The following USP32 variants were observed in gnomAD, a reference collection of about 807,000 sequenced individuals.
The protein encoded by USP32 is ubiquitin specific peptidase 32.
USP32 carries 59 observed loss-of-function variants against 204.8 expected under a neutral mutation model. That is an observed-to-expected ratio of 0.29 (90% CI 0.23 to 0.36). The LOEUF is 0.36. Among genes scored for constraint, USP32 ranks in the 10% least tolerant of loss-of-function variants. USP32 has a pLI of 1.00. For synonymous variants in USP32, 517 were observed against 678.4 expected (o/e 0.76, Z 3.70); for missense variants, 1,160 against 1,946.4 (o/e 0.60, Z 7.60).
intron 30 of USP32, among the ~76,000 whole-genome samples, chr17:60,184,891 G>A (rs1265585161): frequency 1.3e-5 from 2 of 151,786 alleles, no homozygotes; most frequent in Non-Finnish European, 2.9e-5. Flanking sequence ...TTAATGAATA[G>A]GAAGATTTGT....
At chr17:60,246,063 CAATAA>C (rs1461235862) in intron 11 of USP32, among the ~76,000 whole-genome samples, 1 of 151,786 alleles carries the variant, frequency 6.6e-6, no homozygotes, top group Non-Finnish European at 1.5e-5. Context: ...TTGAAATATA[CAATAA>C]ATTATTTTTA....
At chr17:60,311,199 G>A (rs1239893433) in intron 2 of USP32, among the ~76,000 whole-genome samples, 1 of 152,186 alleles carries the variant, frequency 6.6e-6, no homozygotes, top group East Asian at 1.9e-4. Context: ...AGTACACTGA[G>A]ATTTTATATT....
At chr17:60,306,722 T>C (rs902947755) in intron 2 of USP32, among the ~76,000 whole-genome samples, 9 of 152,054 alleles carry the variant, frequency 5.9e-5, no homozygotes, top group African/African-American at 2.2e-4. Flanking sequence ...GGTCTCCAAA[T>C]TGGAAAGGAG....
At chr17:60,353,974 G>T (rs116328627) in intron 1 of USP32, among the ~76,000 whole-genome samples, 87 of 152,286 alleles carry the variant, frequency 5.7e-4, no homozygotes, top group African/African-American at 1.8e-3. Flanking sequence ...AATGGATGTT[G>T]TCATTACCAT....
At position 60,347,058 on chromosome 17, in the gene USP32, CA is replaced by C. The variant is rs1421684968; in HGVS notation, c.59-1451del. ...TTCAGATAGCTCACTCTACCAATAA[CA>C]AAGAGAACAGAACAAATCTGGAAGC... On this transcript the variant is annotated intron_variant, in intron 1 of 33. Transcript: ENST00000300896. Among the ~76,000 whole-genome samples, 4 of 152,240 alleles carry C rather than the reference CA, an allele frequency of 2.6e-5. 1 individual carries two copies. Among genetic ancestry groups the C allele is most frequent in the Middle Eastern group, 6.8e-3 (2 of 294 alleles).
At chr17:60,288,113 CAAAAAAAAAAAA>C (rs1045323566) in intron 5 of USP32, among the ~76,000 whole-genome samples, 534 of 29,452 alleles carry the variant, frequency 0.018, 5 homozygotes, top group Non-Finnish European at 0.041. Flanking sequence ...GACTTCGTCT[CAAAAAAAAAAAA>C]AAAAAAAAAA....
upstream of USP32, among the ~76,000 whole-genome samples, chr17:60,395,285 T>C (rs2089893711): frequency 1.3e-5 from 2 of 152,316 alleles, no homozygotes; most frequent in South Asian, 2.1e-4. Context: ...CATAAAAATT[T>C]CCACTCCATG....
intron 1 of USP32, among the ~76,000 whole-genome samples, chr17:60,415,059 GA>G (rs747437357): frequency 6.6e-6 from 1 of 152,042 alleles, no homozygotes; most frequent in Non-Finnish European, 1.5e-5. Context: ...CCTCTATAAA[GA>G]AAATAAATTT....
intron 5 of USP32, among the ~76,000 whole-genome samples, chr17:60,274,794 T>C (rs1003380634): frequency 6.6e-6 from 1 of 152,174 alleles, no homozygotes; most frequent in Admixed American, 6.5e-5. Context: ...TAAGTATCTA[T>C]GTAAACAGAA....
intron 1 of USP32, among the ~76,000 whole-genome samples, chr17:60,383,765 A>C (rs1192925797): frequency 6.6e-6 from 1 of 152,252 alleles, no homozygotes; most frequent in South Asian, 2.1e-4. Flanking sequence ...TAGTGTAGCT[A>C]GTGTACAGGA....
At chr17:60,370,323 G>C (rs1282904714) in intron 1 of USP32, among the ~76,000 whole-genome samples, 1 of 151,832 alleles carries the variant, frequency 6.6e-6, no homozygotes, top group Non-Finnish European at 1.5e-5. Context: ...AATGGGAAAG[G>C]TTCTACTTTG....
chr17:60,260,447 C>T (rs2086423593), intron 9 of USP32, among the ~76,000 whole-genome samples: 1 of 151,460 alleles, frequency 6.6e-6, no homozygotes, highest in Non-Finnish European at 1.5e-5. Context: ...CATTTGAACC[C>T]AGGAGGCGGA....
At chr17:60,230,363 G>A (rs933982352) in intron 12 of USP32, among the ~76,000 whole-genome samples, 1 of 152,090 alleles carries the variant, frequency 6.6e-6, no homozygotes, top group Non-Finnish European at 1.5e-5. Flanking sequence ...TCAGTCCATA[G>A]GTTAAATCTA....
rs376427853 is a variant in USP32, at chr17:60,223,361, T to C, written c.1608+50A>G. 4 of 1,523,544 alleles carry C rather than the reference T, an allele frequency of 2.6e-6. No homozygotes were observed. In the African/African-American group the frequency reaches 4.2e-5, roughly 16 times the overall value. The allele number at this position is 1,523,544 out of a possible 1,614,324, so 94.4% of individuals were successfully genotyped here. A position where few individuals can be genotyped will look rare whatever the true frequency, so the allele number is the denominator to read the frequency against. ...GCTAAAACCTCTGAAATGAAATTTATTAATAGCTTGCAAGAGAATAATTTT... is the reference window on the plus strand; with the variant it reads ...GCTAAAACCTCTGAAATGAAATTTACTAATAGCTTGCAAGAGAATAATTTT... On this transcript the variant is annotated intron_variant, in intron 14 of 33. Coordinates refer to ENST00000300896, the MANE Select transcript of USP32 (RefSeq NM_032582.4).
intron 1 of USP32, among the ~76,000 whole-genome samples, chr17:60,374,387 C>T (rs57540461): frequency 0.035 from 5,293 of 151,430 alleles, 318 homozygotes; most frequent in African/African-American, 0.12. Flanking sequence ...AAGGCTGTTA[C>T]AGTTAAGTTT....
chr17:60,322,033 T>C lies in USP32; in HGVS notation c.187-20329A>G, dbSNP rs1325186860. On this transcript the variant is annotated intron_variant, in intron 2 of 33. Coordinates refer to ENST00000300896, the MANE Select transcript of USP32 (RefSeq NM_032582.4). ...GAAATAAATAGAATAAAAGCATGTC[T>C]TTATGAGACAGAGAAAAAAAGTTAA... is the stretch of plus-strand genomic sequence containing the variant. Among the ~76,000 whole-genome samples the C allele has an allele frequency of 9.2e-5, 14 of 152,148 alleles. 1 individual carries two copies. The highest frequency in any genetic ancestry group is 9.2e-4 in the Admixed American group (14 of 15,270).
chr17:60,250,282 A>G (rs1401082858), intron 11 of USP32, among the ~76,000 whole-genome samples: 2 of 152,176 alleles, frequency 1.3e-5, no homozygotes, highest in Non-Finnish European at 2.9e-5. Flanking sequence ...TGTATTTTAC[A>G]AAGAATAACT....
intron 1 of USP32, among the ~76,000 whole-genome samples, chr17:60,403,592 A>G (rs540720848): frequency 1.5e-4 from 23 of 152,298 alleles, no homozygotes; most frequent in African/African-American, 5.5e-4. Context: ...TGGTTCCTCA[A>G]ATACAATGCC....
In USP32 at chr17:60,301,636, G is replaced by A. The variant is rs376822570; in HGVS notation, c.255C>T (p.Val85=). 270 of 1,595,212 alleles carry A rather than the reference G, an allele frequency of 1.7e-4. 1 individual carries two copies. The South Asian group carries it at 3.0e-3, about 18-fold the overall frequency. ...CTTCATCTTTGCCTCTTGTAAGGAG[G>A]ACAAGTCCAACTATTAAATTATTGA... ...LHFNNLIVGL[V]LLTRGKDEEK... The change falls in exon 3 of 34, where the codon GTC becomes GTT. Residue 85 remains valine, a synonymous_variant. Transcript: ENST00000300896.
Sources: allele counts gnomAD v4.1 joint callset (sites outside exome capture counted in the v4.1 genomes callset), GRCh38; gene constraint gnomAD v4.1.1; transcripts MANE v1.5; gene names NCBI Gene and HGNC (gene_info 2026-07-23, HGNC 2026-07-21).